IL17C: variants seen among roughly 807,000 people sequenced by gnomAD.
The protein encoded by IL17C is interleukin-17C.
IL17C carries 13 observed loss-of-function variants against 11.0 expected under a neutral mutation model. The ratio of observed to expected loss-of-function variants is 1.18; its 90% CI spans 0.77 to 1.88. The LOEUF (loss-of-function observed/expected upper bound fraction) is 1.88. Ranked by LOEUF, IL17C falls within the 40% of genes most tolerant of loss-of-function variation. The pLI, the probability that IL17C is intolerant of heterozygous loss-of-function variation, is 0.00. For synonymous variants in IL17C, 150 were observed against 125.8 expected (o/e 1.19, Z -1.29); for missense variants, 357 against 278.2 (o/e 1.28, Z -2.01).
chr16:88,639,091 T>C lies in IL17C; in HGVS notation c.117T>C (p.Ala39=), dbSNP rs201751197. The C allele has an allele frequency of 8.1e-6, 13 of 1,613,216 alleles. No homozygotes were observed. In the Admixed American group the frequency reaches 8.3e-5, roughly 10 times the overall value. ...HSHGTPHCYS[A]EELPLGQAPP... The stretch of plus-strand genomic sequence containing the variant: ...ACGGTACCCCACACTGCTACTCGGC[T>C]GAGGAACTGCCCCTCGGCCAGGCCC... Residue 39 remains alanine (A), a synonymous_variant, in exon 2 of 3, where the codon GCT becomes GCC. Coordinates refer to ENST00000244241, the MANE Select transcript of IL17C (RefSeq NM_013278.4). The surrounding 1 kb of genome is among the most constrained non-coding windows in gnomAD (Gnocchi z 5.1).
rs961009041 is a variant in IL17C, at chr16:88,638,626, C to T, written c.-16C>T. On this transcript the variant is annotated 5_prime_UTR_variant, in exon 1 of 3. Coordinates refer to ENST00000244241, the MANE Select transcript of IL17C (RefSeq NM_013278.4). ...TGCAGGCCGCTCCAAGCCCAGCCTG[C>T]CCCGCTGCCGCCACCATGACGGTGA... 1.9e-6 allele frequency: 3 copies of T among 1,612,400 alleles called. No individual in the cohort carries two copies. Among genetic ancestry groups the T allele is most frequent in the African/African-American group, 1.3e-5 (1 of 74,892 alleles).
In IL17C at chr16:88,639,138, G is replaced by A. The variant is rs752159020; in HGVS notation, c.164G>A (p.Gly55Asp). The A allele has an allele frequency of 6.2e-7, 1 of 1,613,028 alleles. No homozygotes were observed. Among genetic ancestry groups the A allele is most frequent in the Non-Finnish European group, 8.5e-7 (1 of 1,179,950 alleles). Residue 55 changes from glycine to aspartate, a missense_variant, in exon 2 of 3, where the codon GGT becomes GAT. Coordinates refer to ENST00000244241, the MANE Select transcript of IL17C (RefSeq NM_013278.4). The surrounding 1 kb of genome is among the most constrained non-coding windows in gnomAD (Gnocchi z 5.1). ...GQAPPHLLAR[G>D]AKWGQALPVA... ...GCCCCCCCACACCTGCTGGCTCGAG[G>A]TGCCAAGTGGGGGCAGGCTTTGCCT...
rs1265861226 is a variant in IL17C at position 88,640,423 on chromosome 16, T to C, written c.*351T>C. 3.5e-6 allele frequency: 1 copy of C among 283,756 alleles called. No homozygotes were observed. Among genetic ancestry groups the C allele is most frequent in the African/African-American group, 2.2e-5 (1 of 45,878 alleles). The allele number at this position is 283,756 out of a possible 1,614,324, so 17.6% of individuals were successfully genotyped here. ...CCTCCTTGGAAGTACCCCTGTTTCT[T>C]AAACAATTATTTAAGTGTACGTGTA... On this transcript the variant is annotated 3_prime_UTR_variant, in exon 3 of 3. Coordinates refer to ENST00000244241, the MANE Select transcript of IL17C (RefSeq NM_013278.4).
In IL17C at chr16:88,639,734, C is replaced by T. The variant is rs542439568; in HGVS notation, c.336-80C>T. 7.2e-5 allele frequency: 103 copies of T among 1,429,818 alleles called. No homozygotes were observed. The highest frequency in any genetic ancestry group is 2.1e-4 in the Middle Eastern group (1 of 4,682). 88.6% of individuals were successfully genotyped at this position (1,429,818 alleles called of 1,614,324 possible). On this transcript the variant is annotated intron_variant, in intron 2 of 2. Transcript: ENST00000244241. The surrounding 1 kb of genome is among the most constrained non-coding windows in gnomAD (Gnocchi z 5.1). The stretch of plus-strand genomic sequence containing the variant: ...TGCCTCAGGTCCTATCCTGAGTACA[C>T]GGAGAGGGGCCCTGAGGGGAGAGGG...
rs1597369126 is a variant in IL17C at position 88,640,261 on chromosome 16, G to A, written c.*189G>A. 8.2e-6 allele frequency: 5 copies of A among 606,098 alleles called. No individual in the cohort carries two copies. In the East Asian group the frequency reaches 1.5e-4, roughly 19 times the overall value. The allele number at this position is 606,098 out of a possible 1,614,324, so 37.5% of individuals were successfully genotyped here. On this transcript the variant is annotated 3_prime_UTR_variant, in exon 3 of 3. Coordinates refer to ENST00000244241, the MANE Select transcript of IL17C (RefSeq NM_013278.4). ...CAGCCTCAGTAGTTGGGGGTAGAAG[G>A]AGCTCAGCACCTCTTCCAGCCCTTA...
rs201546400 is a variant in IL17C, at chr16:88,640,052, G to A, written c.574G>A (p.Val192Met). 51 of 1,577,318 alleles carry A rather than the reference G, an allele frequency of 3.2e-5. No homozygotes were observed. The highest frequency in any genetic ancestry group is 5.2e-5 in the Admixed American group (3 of 57,454). Residue 192 changes from valine (V) to methionine (M), a missense_variant, in exon 3 of 3, where the codon GTG (valine) becomes ATG (methionine). Physicochemically the swap from Val to Met is conservative, Grantham distance 21. Transcript: ENST00000244241. ...FIHVPVGCTC[V>M]LPRSV ...CCACGTCCCCGTCGGCTGCACCTGC[G>A]TGCTGCCCCGTTCAGTGTGACCGCC...
In IL17C at chr16:88,639,996, C is replaced by A; in HGVS notation, c.518C>A (p.Pro173His). The A allele has an allele frequency of 6.2e-7, 1 of 1,608,176 alleles. No homozygotes were observed. The highest frequency in any genetic ancestry group is 8.5e-7 in the Non-Finnish European group (1 of 1,177,014). ...CSRDGSGLPTPGAFAFHTEFI... is the reference protein window; with the variant it reads ...CSRDGSGLPTHGAFAFHTEFI... ...CGCGACGGCTCGGGGCTCCCCACAC[C>A]TGGGGCCTTTGCCTTCCACACCGAG... The change falls in exon 3 of 3, where the codon CCT (proline) becomes CAT (histidine). Residue 173 changes from proline (P) to histidine (H), a missense_variant. Transcript: ENST00000244241. This position sits in a 1 kb window ranked among gnomAD's most constrained non-coding sequence, Gnocchi z 5.1.
At position 88,639,747 on chromosome 16, in the gene IL17C, T is replaced by C; in HGVS notation, c.336-67T>C. On this transcript the variant is annotated intron_variant, in intron 2 of 2. Transcript: ENST00000244241. This position sits in a 1 kb window ranked among gnomAD's most constrained non-coding sequence, Gnocchi z 5.1. ...ATCCTGAGTACACGGAGAGGGGCCCTGAGGGGAGAGGGGCCTCCAGGAGGA... is the reference window on the plus strand; with the variant it reads ...ATCCTGAGTACACGGAGAGGGGCCCCGAGGGGAGAGGGGCCTCCAGGAGGA... 1 of 1,456,844 alleles carries C rather than the reference T, an allele frequency of 6.9e-7. No homozygotes were observed. 90.2% of individuals were successfully genotyped at this position (1,456,844 alleles called of 1,614,324 possible). A position where few individuals can be genotyped will look rare whatever the true frequency, so the allele number is the denominator to read the frequency against.
At position 88,640,309 on chromosome 16, in the gene IL17C, C is replaced by G; in HGVS notation, c.*237C>G. ...TTAAAGCTGCAGAAAAGGTGTCACA[C>G]GGCTGCCTGTACCTTGGCTCCCTGT... On this transcript the variant is annotated 3_prime_UTR_variant, in exon 3 of 3. Coordinates refer to ENST00000244241, the MANE Select transcript of IL17C (RefSeq NM_013278.4). The G allele has an allele frequency of 4.1e-6, 2 of 488,212 alleles. No individual in the cohort carries two copies. Among genetic ancestry groups the G allele is most frequent in the South Asian group, 7.6e-5 (2 of 26,176 alleles). 30.2% of individuals were successfully genotyped at this position (488,212 alleles called of 1,614,324 possible).
chr16:88,639,113 G>A lies in IL17C; in HGVS notation c.139G>A (p.Ala47Thr). The part of the protein sequence containing the change: ...YSAEELPLGQ[A>T]PPHLLARGAK... ...GGCTGAGGAACTGCCCCTCGGCCAG[G>A]CCCCCCCACACCTGCTGGCTCGAGG... Residue 47 changes from alanine (A) to threonine (T), a missense_variant, in exon 2 of 3, where the codon GCC becomes ACC. Coordinates refer to ENST00000244241, the MANE Select transcript of IL17C (RefSeq NM_013278.4). The surrounding 1 kb of genome is among the most constrained non-coding windows in gnomAD (Gnocchi z 5.1). 1 of 1,612,964 alleles carries A rather than the reference G, an allele frequency of 6.2e-7. No individual in the cohort carries two copies. The highest frequency in any genetic ancestry group is 1.1e-5 in the South Asian group (1 of 91,072).
Position 88,638,780 on chromosome 16 carries a change from G to A in IL17C, c.6+133G>A, listed in dbSNP as rs868349946. ...GGGAAACCCCTCAGTCTGGGGGTAG[G>A]GGAGGCAGCTGCAGATCCTCGGAGC... On this transcript the variant is annotated intron_variant, in intron 1 of 2. Transcript: ENST00000244241. 1.0e-4 allele frequency: 144 copies of A among 1,407,544 alleles called. No individual in the cohort carries two copies. The Middle Eastern group carries it at 6.1e-3, about 60-fold the overall frequency. 87.2% of individuals were successfully genotyped at this position (1,407,544 alleles called of 1,614,324 possible).
intron 1 of IL17C, 158 bp from the exon 2 acceptor site, chr16:88,638,823 C>A (rs1384926819): frequency 1.7e-6 from 2 of 1,202,078 alleles, no homozygotes; most frequent in African/African-American, 1.5e-5. Flanking sequence ...TGCTGGGTGT[C>A]TTGGGCTGAA....
At position 88,639,072 on chromosome 16, in the gene IL17C, C is replaced by G; in HGVS notation, c.98C>G (p.Thr33Ser). The change falls in exon 2 of 3, where the codon ACC becomes AGC. Residue 33 changes from threonine (T) to serine (S), a missense_variant. By Grantham distance (58) the Thr-to-Ser change is moderately conservative. Transcript: ENST00000244241. This position sits in a 1 kb window ranked among gnomAD's most constrained non-coding sequence, Gnocchi z 5.1. ...AGGGGGCACCCCCACAGTCACGGTA[C>G]CCCACACTGCTACTCGGCTGAGGAA... Reference protein sequence around the residue: ...SLRGHPHSHGTPHCYSAEELP... With the variant: ...SLRGHPHSHGSPHCYSAEELP... The G allele has an allele frequency of 6.2e-7, 1 of 1,613,120 alleles. No individual in the cohort carries two copies. Among genetic ancestry groups the G allele is most frequent in the Non-Finnish European group, 8.5e-7 (1 of 1,179,854 alleles).
Position 88,640,066 on chromosome 16 carries a change from A to G in IL17C, c.588A>G (p.Ser196=), listed in dbSNP as rs34804164. Reference sequence around the variant, plus strand: ...GCTGCACCTGCGTGCTGCCCCGTTCAGTGTGACCGCCGAGGCCGTGGGGCC... The same window carrying G: ...GCTGCACCTGCGTGCTGCCCCGTTCGGTGTGACCGCCGAGGCCGTGGGGCC... ...PVGCTCVLPR[S]V The change falls in exon 3 of 3, where the codon TCA becomes TCG. Residue 196 remains serine, a synonymous_variant. Transcript: ENST00000244241. 1.3e-3 allele frequency: 1,975 copies of G among 1,553,174 alleles called. 16 individuals carry two copies. The African/African-American group carries it at 0.025, about 19-fold the overall frequency.
Position 88,639,231 on chromosome 16 carries a change from C to T in IL17C, c.257C>T (p.Thr86Ile). The change falls in exon 2 of 3, where the codon ACC becomes ATC. Residue 86 changes from threonine to isoleucine, a missense_variant. Coordinates refer to ENST00000244241, the MANE Select transcript of IL17C (RefSeq NM_013278.4). This position sits in a 1 kb window ranked among gnomAD's most constrained non-coding sequence, Gnocchi z 5.1. ...AGGCACGAGAGGCCCTCAGCTACGACCCAGTGCCCGGTGCTGCGGCCGGAG... is the reference window on the plus strand; with the variant it reads ...AGGCACGAGAGGCCCTCAGCTACGATCCAGTGCCCGGTGCTGCGGCCGGAG... ...RGRHERPSATTQCPVLRPEEV... is the reference protein window; with the variant it reads ...RGRHERPSATIQCPVLRPEEV... The T allele has an allele frequency of 6.2e-7, 1 of 1,612,586 alleles. No individual in the cohort carries two copies. Among genetic ancestry groups the T allele is most frequent in the African/African-American group, 1.3e-5 (1 of 75,058 alleles).
Position 88,639,770 on chromosome 16 carries a change from G to C in IL17C, c.336-44G>C. 1 of 1,482,104 alleles carries C rather than the reference G, an allele frequency of 6.7e-7. No homozygotes were observed. Among genetic ancestry groups the C allele is most frequent in the African/African-American group, 1.4e-5 (1 of 72,062 alleles). The allele number at this position is 1,482,104 out of a possible 1,614,324, so 91.8% of individuals were successfully genotyped here. Reference sequence around the variant, plus strand: ...CCTGAGGGGAGAGGGGCCTCCAGGAGGACAGGGTAGGGCCAGAGACTCACT... The same window carrying C: ...CCTGAGGGGAGAGGGGCCTCCAGGACGACAGGGTAGGGCCAGAGACTCACT... On this transcript the variant is annotated intron_variant, in intron 2 of 2. Transcript: ENST00000244241. The surrounding 1 kb of genome is among the most constrained non-coding windows in gnomAD (Gnocchi z 5.1).
chr16:88,639,180 G>A lies in IL17C; in HGVS notation c.206G>A (p.Ser69Asn), dbSNP rs1906981682. ...GCTTTGCCTGTAGCCCTGGTGTCCA[G>A]CCTGGAGGCAGCAAGCCACAGGGGG... ...GQALPVALVSSLEAASHRGRH... is the reference protein window; with the variant it reads ...GQALPVALVSNLEAASHRGRH... Residue 69 changes from serine (S) to asparagine (N), a missense_variant, in exon 2 of 3, where the codon AGC becomes AAC. Coordinates refer to ENST00000244241, the MANE Select transcript of IL17C (RefSeq NM_013278.4). The surrounding 1 kb of genome is among the most constrained non-coding windows in gnomAD (Gnocchi z 5.1). 3 of 1,612,834 alleles carry A rather than the reference G, an allele frequency of 1.9e-6. No homozygotes were observed. The South Asian group carries it at 3.3e-5, about 18-fold the overall frequency.
At position 88,640,167 on chromosome 16, in the gene IL17C, C is replaced by G; in HGVS notation, c.*95C>G. On this transcript the variant is annotated 3_prime_UTR_variant, in exon 3 of 3. Transcript: ENST00000244241. ...TTTATTGTTATTTATATGCCTCCCC[C>G]AACACTACCCTTGGGGTCTGGGCAT... 1.5e-6 allele frequency: 2 copies of G among 1,362,228 alleles called. No homozygotes were observed. The highest frequency in any genetic ancestry group is 2.0e-6 in the Non-Finnish European group (2 of 1,012,880). The allele number at this position is 1,362,228 out of a possible 1,614,324, so 84.4% of individuals were successfully genotyped here.
rs950428890 is a variant in IL17C, at chr16:88,640,281, C to T, written c.*209C>T. ...AGAAGGAGCTCAGCACCTCTTCCAG[C>T]CCTTAAAGCTGCAGAAAAGGTGTCA... On this transcript the variant is annotated 3_prime_UTR_variant, in exon 3 of 3. Transcript: ENST00000244241. 1 of 530,108 alleles carries T rather than the reference C, an allele frequency of 1.9e-6. No individual in the cohort carries two copies. Among genetic ancestry groups the T allele is most frequent in the South Asian group, 3.3e-5 (1 of 30,480 alleles). 32.8% of individuals were successfully genotyped at this position (530,108 alleles called of 1,614,324 possible).
Sources: gnomAD v4.1 joint callset for allele counts on GRCh38, gnomAD v4.1.1 for gene constraint, Gnocchi (gnomAD v3.1) non-coding constraint, MANE v1.5 for transcripts, NCBI Gene and HGNC (gene_info 2026-07-23, HGNC 2026-07-21) for gene names.